The following ST13 variants were observed in gnomAD, a reference collection of about 807,000 sequenced individuals.
The protein encoded by ST13 is ST13 Hsp70 interacting protein.
ST13 carries 23 observed loss-of-function variants against 56.7 expected under a neutral mutation model. That is an observed-to-expected ratio of 0.41 (90% CI 0.29 to 0.57). The LOEUF (loss-of-function observed/expected upper bound fraction) is 0.57. Ranked by LOEUF, ST13 falls within the 20% of genes least tolerant of loss-of-function variation. The pLI is 0.36. For synonymous variants in ST13, 132 were observed against 142.4 expected (o/e 0.93, Z 0.52); for missense variants, 369 against 459.9 (o/e 0.80, Z 1.81).
intron 2 of ST13, among the ~76,000 whole-genome samples, chr22:40,850,006 T>C (rs2057853304): frequency 6.6e-6 from 1 of 151,834 alleles, no homozygotes; most frequent in Admixed American, 6.6e-5. Context: ...GGCTCACGCC[T>C]TAGTCCCAGC....
At chr22:40,832,530 A>G in intron 8 of ST13, 39 bp downstream of exon 8, 1 of 1,468,932 alleles carries the variant, frequency 6.8e-7, no homozygotes, top group Non-Finnish European at 9.5e-7. Context: ...GCGATGGAGT[A>G]TTTAACTAAT....
Position 40,840,628 on chromosome 22 carries a change from T to C in ST13, c.380A>G (p.Asp127Gly). The C allele has an allele frequency of 6.2e-7, 1 of 1,609,522 alleles. No individual in the cohort carries two copies. The highest frequency in any genetic ancestry group is 8.5e-7 in the Non-Finnish European group (1 of 1,178,826). Residue 127 changes from aspartate to glycine, a missense_variant and splice_region_variant, in exon 5 of 12, where the codon GAT becomes GGT. By Grantham distance (94) the Asp-to-Gly change is moderately conservative. This residue lies in a region of ST13 where 169 missense variants were observed against 175.6 expected (regional missense o/e 0.96). Coordinates refer to ENST00000216218, the MANE Select transcript of ST13 (RefSeq NM_003932.5). ...KKVAAIEALN[D>G]GELQKAIDLF... ...AATGTAGCAAAAAGATTACTCACCA[T>C]CATTTAGGGCTTCAATAGCAGCCAC...
rs184648677 is a variant in ST13 at position 40,826,118 on chromosome 22, T to C, written c.*420A>G. Reference sequence around the variant, plus strand: ...AACCACATATCCAACACAAACTTTATCCTCAAATGAGTTATGTTTGCCTCG... The same window carrying C: ...AACCACATATCCAACACAAACTTTACCCTCAAATGAGTTATGTTTGCCTCG... On this transcript the variant is annotated 3_prime_UTR_variant, in exon 12 of 12. Transcript: ENST00000216218. The C allele has an allele frequency of 2.0e-3, 311 of 153,622 alleles. 1 individual carries two copies. The highest frequency in any genetic ancestry group is 3.9e-3 in the Admixed American group (60 of 15,340). 9.5% of individuals were successfully genotyped at this position (153,622 alleles called of 1,614,324 possible).
At position 40,826,652 on chromosome 22, in the gene ST13, C is replaced by A. The variant is rs1415835094; in HGVS notation, c.996G>T (p.Met332Ile). Residue 332 changes from methionine to isoleucine, a missense_variant, in exon 12 of 12, where the codon ATG becomes ATT. Physicochemically the swap from Met to Ile is conservative, Grantham distance 10. Transcript: ENST00000216218. ...VLAAMQDPEV[M>I]VAFQDVAQNP... ...TCTGAGCCACATCCTGGAAAGCCAC[C>A]ATAACTTCTGGATCCTGAAAAGAAA... is the stretch of plus-strand genomic sequence containing the variant. 6.2e-7 allele frequency: 1 copy of A among 1,609,716 alleles called. No individual in the cohort carries two copies. The highest frequency in any genetic ancestry group is 8.5e-7 in the Non-Finnish European group (1 of 1,179,782).
rs774028744 is a variant in ST13 at position 40,827,113 on chromosome 22, C to G, written c.964G>C (p.Val322Leu). 1 of 1,612,068 alleles carries G rather than the reference C, an allele frequency of 6.2e-7. No homozygotes were observed. The highest frequency in any genetic ancestry group is 8.5e-7 in the Non-Finnish European group (1 of 1,179,906). ...GLNEILSDPE[V>L]LAAMQDPEVM... Reference sequence around the variant, plus strand: ...AGTCTTACCTGCATGGCTGCAAGAACCTCTGGATCACTAAGAATTTCATTG... The same window carrying G: ...AGTCTTACCTGCATGGCTGCAAGAAGCTCTGGATCACTAAGAATTTCATTG... The change falls in exon 11 of 12, where the codon GTT becomes CTT. Residue 322 changes from valine (V) to leucine (L), a missense_variant. Val to Leu is a conservative substitution (Grantham distance 32, BLOSUM62 1). Transcript: ENST00000216218.
intron 4 of ST13, among the ~76,000 whole-genome samples, chr22:40,842,081 T>A (rs780903646): frequency 3.0e-4 from 46 of 152,132 alleles, no homozygotes; most frequent in Non-Finnish European, 4.4e-4. Flanking sequence ...TAAAAGAACT[T>A]CCCCTGAAAA....
chr22:40,849,045 A>C (rs955133424), intron 2 of ST13, among the ~76,000 whole-genome samples: 4 of 152,228 alleles, frequency 2.6e-5, no homozygotes, highest in African/African-American at 4.8e-5. Flanking sequence ...TCTATATATG[A>C]AACAACTCTA....
At chr22:40,847,556 G>GA (rs1177807946) in intron 3 of ST13, among the ~76,000 whole-genome samples, 1,392 of 83,994 alleles carry the variant, frequency 0.017, 13 homozygotes, top group African/African-American at 0.037. Flanking sequence ...CTCAAAAAAA[G>GA]AAAAAAAAAA....
intron 1 of ST13, chr22:40,854,464 T>C (rs1191509489): frequency 6.6e-6 from 1 of 152,220 alleles, no homozygotes; most frequent in South Asian, 2.1e-4. Context: ...GAATTACCTA[T>C]GTTAAAATAA....
chr22:40,844,877 T>G lies in ST13; in HGVS notation c.277A>C (p.Thr93Pro). 2 of 1,613,688 alleles carry G rather than the reference T, an allele frequency of 1.2e-6. No individual in the cohort carries two copies. Among genetic ancestry groups the G allele is most frequent in the Non-Finnish European group, 1.7e-6 (2 of 1,179,786 alleles). The change falls in exon 4 of 12, where the codon ACT becomes CCT. Residue 93 changes from threonine (T) to proline (P), a missense_variant. Thr to Pro is a conservative substitution (Grantham distance 38). This residue lies in a region of ST13 where 169 missense variants were observed against 175.6 expected (regional missense o/e 0.96). Transcript: ENST00000216218. The stretch of plus-strand genomic sequence containing the variant: ...TCTCCCATTTCTTGAGGAGCATCAG[T>G]GTCTGGTTCAATCACACCTTCTTTA... ...IDKEGVIEPD[T>P]DAPQEMGDEN...
At position 40,844,720 on chromosome 22, in the gene ST13, G is replaced by T. The variant is rs878935967; in HGVS notation, c.315+119C>A. The T allele has an allele frequency of 1.6e-5, 12 of 769,004 alleles. No homozygotes were observed. The South Asian group carries it at 1.6e-4, about 10-fold the overall frequency. 47.6% of individuals were successfully genotyped at this position (769,004 alleles called of 1,614,324 possible). On this transcript the variant is annotated intron_variant, in intron 4 of 11. Coordinates refer to ENST00000216218, the MANE Select transcript of ST13 (RefSeq NM_003932.5). ...AATACAATGCTTGCCTAAAACGCCTGAAGTCAGAGAAAGATTTACTATGCG... is the reference window on the plus strand; with the variant it reads ...AATACAATGCTTGCCTAAAACGCCTTAAGTCAGAGAAAGATTTACTATGCG...
rs1206559506 is a variant in ST13, at chr22:40,825,938, A to G, written c.*600T>C. The G allele has an allele frequency of 2.6e-5, 4 of 152,740 alleles. No homozygotes were observed. The highest frequency in any genetic ancestry group is 4.8e-5 in the African/African-American group (2 of 41,474). 9.5% of individuals were successfully genotyped at this position (152,740 alleles called of 1,614,324 possible). A position where few individuals can be genotyped will look rare whatever the true frequency, so the allele number is the denominator to read the frequency against. Reference sequence around the variant, plus strand: ...GGCAACCTGCCCAAGGATGCATGTTATATCAAACACAGCAAGATTGCTGCT... The same window carrying G: ...GGCAACCTGCCCAAGGATGCATGTTGTATCAAACACAGCAAGATTGCTGCT... On this transcript the variant is annotated 3_prime_UTR_variant, in exon 12 of 12. Transcript: ENST00000216218.
At chr22:40,828,724 C>T (rs542150496) in intron 10 of ST13, among the ~76,000 whole-genome samples, 1 of 152,206 alleles carries the variant, frequency 6.6e-6, no homozygotes, top group Admixed American at 6.5e-5. Context: ...GTCATTTTTA[C>T]CTGCTTCCAC....
chr22:40,835,828 C>G lies in ST13; in HGVS notation c.442G>C (p.Ala148Pro). ...TDAIKLNPRL[A>P]ILYAKRASVF... ...CTGGCCCTCTTGGCATACAAAATGG[C>G]CAAGCGAGGATTCAGCTTGATGGCA... Residue 148 changes from alanine to proline, a missense_variant, in exon 6 of 12, where the codon GCC becomes CCC. By Grantham distance (27) the Ala-to-Pro change is conservative (BLOSUM62 -1). Coordinates refer to ENST00000216218, the MANE Select transcript of ST13 (RefSeq NM_003932.5). 6.2e-7 allele frequency: 1 copy of G among 1,613,792 alleles called. No homozygotes were observed. The highest frequency in any genetic ancestry group is 8.5e-7 in the Non-Finnish European group (1 of 1,179,992).
At chr22:40,830,396 G>C (rs1040474945) in intron 9 of ST13, among the ~76,000 whole-genome samples, 2 of 152,188 alleles carry the variant, frequency 1.3e-5, no homozygotes, top group Non-Finnish European at 2.9e-5. Context: ...CTGGGCTCAA[G>C]TGAACCTCCC....
chr22:40,856,041 G>C (rs1257731147), intron 1 of ST13, among the ~76,000 whole-genome samples: 1 of 152,116 alleles, frequency 6.6e-6, no homozygotes, highest in East Asian at 1.9e-4. Flanking sequence ...AAGGAATAGT[G>C]CGTAAAGGAA....
intron 7 of ST13, among the ~76,000 whole-genome samples, 178 bp from the exon 8 acceptor site, chr22:40,832,849 C>T (rs1443915339): frequency 1.3e-5 from 2 of 152,188 alleles, no homozygotes; most frequent in Non-Finnish European, 2.9e-5. Flanking sequence ...TCTATAAAAA[C>T]CTGAAAACAT....
At chr22:40,846,983 A>C (rs1037669746) in intron 3 of ST13, among the ~76,000 whole-genome samples, 1 of 152,162 alleles carries the variant, frequency 6.6e-6, no homozygotes, top group African/African-American at 2.4e-5. Flanking sequence ...TGGCAGAGCG[A>C]AACTCAAGTC....
chr22:40,829,368 T>C (rs2057743370), intron 10 of ST13, among the ~76,000 whole-genome samples: 1 of 152,228 alleles, frequency 6.6e-6, no homozygotes, highest in African/African-American at 2.4e-5. Flanking sequence ...GTGTTAGTCC[T>C]GTCCTCTGGT....
Sources: gnomAD v4.1 joint callset for allele counts (sites outside exome capture counted in the v4.1 genomes callset) on GRCh38, gnomAD v4.1.1 for gene constraint, gnomAD v4.1.1 regional missense constraint, MANE v1.5 for transcripts, NCBI Gene and HGNC (gene_info 2026-07-23, HGNC 2026-07-21) for gene names.